ST3GAL3: variants seen among roughly 807,000 people sequenced by gnomAD.
ST3GAL3 encodes ST3 beta-galactoside alpha-2,3-sialyltransferase 3.
Under a neutral mutation model 50.1 loss-of-function variants are expected in ST3GAL3, and 21 were observed. That is an observed-to-expected ratio of 0.42 (90% CI 0.30 to 0.60). The LOEUF (loss-of-function observed/expected upper bound fraction) is 0.60. ST3GAL3 is among the 20% of genes least tolerant of loss of function. The probability of loss-of-function intolerance (pLI) is 0.19; values close to 1 mark genes in which losing one functional copy is unlikely to be tolerated. For synonymous variants in ST3GAL3, 183 were observed against 190.0 expected, an observed-to-expected ratio of 0.96 and a Z score of 0.30; for missense variants, 353 against 489.4, an observed-to-expected ratio of 0.72 and a Z score of 2.63.
At chr1:43,729,278 CTA>C (rs1674546159) in intron 1 of ST3GAL3, among the ~76,000 whole-genome samples, 1 of 151,860 alleles carries the variant, frequency 6.6e-6, no homozygotes, top group South Asian at 2.1e-4. Context: ...TTTGTAAAGA[CTA>C]TATTGCCCAG....
At chr1:43,787,613 C>T (rs750850036) in intron 2 of ST3GAL3, among the ~76,000 whole-genome samples, 59 of 152,218 alleles carry the variant, frequency 3.9e-4, no homozygotes, top group Non-Finnish European at 5.1e-4. Context: ...AATGTGTGAT[C>T]GTAAGAGCAT....
intron 6 of ST3GAL3, 21 bp downstream of exon 6, chr1:43,894,498 T>C: frequency 1.2e-6 from 2 of 1,600,158 alleles, no homozygotes; most frequent in Non-Finnish European, 1.7e-6. Context: ...AACCCTGACC[T>C]ACATTAACAT....
At chr1:43,831,189 A>T (rs1321630823) in intron 4 of ST3GAL3, among the ~76,000 whole-genome samples, 1 of 152,254 alleles carries the variant, frequency 6.6e-6, no homozygotes, top group South Asian at 2.1e-4. Flanking sequence ...ACTTTACATC[A>T]TAGAAAGTAG....
chr1:43,851,143 A>G (rs1246378298), intron 5 of ST3GAL3: 2 of 1,246,570 alleles, frequency 1.6e-6, no homozygotes, highest in South Asian at 1.2e-5. Flanking sequence ...TGGTTCCTGC[A>G]CTGATCAGCT....
intron 9 of ST3GAL3, among the ~76,000 whole-genome samples, chr1:43,900,255 T>G (rs1233992688): frequency 6.6e-6 from 1 of 152,160 alleles, no homozygotes; most frequent in Non-Finnish European, 1.5e-5. Context: ...GCTCCCAAAC[T>G]TAGAAGTCCT....
chr1:43,920,618 G>A (rs1012504872), intron 10 of ST3GAL3, 68 bp downstream of exon 10: 3 of 1,605,310 alleles, frequency 1.9e-6, no homozygotes, highest in Non-Finnish European at 2.6e-6. Context: ...AAGGAAGGGT[G>A]GGTGGTGGGT....
intron 2 of ST3GAL3, among the ~76,000 whole-genome samples, chr1:43,747,099 C>A (rs978154928): frequency 6.6e-6 from 1 of 151,886 alleles, no homozygotes; most frequent in Non-Finnish European, 1.5e-5. Context: ...ATTATCTTAC[C>A]ACAATAAAAA....
intron 5 of ST3GAL3, chr1:43,851,208 T>A: frequency 6.8e-7 from 1 of 1,481,170 alleles, no homozygotes; most frequent in Non-Finnish European, 9.4e-7. Flanking sequence ...ATGTAGCCAG[T>A]GTCTGGGTTC....
chr1:43,864,780 G>A (rs1006473979), intron 5 of ST3GAL3, among the ~76,000 whole-genome samples: 29 of 152,264 alleles, frequency 1.9e-4, no homozygotes, highest in African/African-American at 6.7e-4. Context: ...GTGGCTGGTA[G>A]AGGGATGAGT....
At chr1:43,773,279 G>T (rs1696000460) in intron 2 of ST3GAL3, among the ~76,000 whole-genome samples, 1 of 152,054 alleles carries the variant, frequency 6.6e-6, no homozygotes, top group South Asian at 2.1e-4. Context: ...TGATTTTTTT[G>T]TTTTTGTTTT....
chr1:43,814,774 T>C lies in ST3GAL3; in HGVS notation c.167-117T>C, dbSNP rs908119263. Reference sequence around the variant, plus strand: ...TATTTAGTTACGTTCTTTGAAGCAGTTGAATTGTGTTCTTTTCCAAGGGTG... The same window carrying C: ...TATTTAGTTACGTTCTTTGAAGCAGCTGAATTGTGTTCTTTTCCAAGGGTG... On this transcript the variant is annotated intron_variant, in intron 3 of 11. Transcript: ENST00000347631. The C allele has an allele frequency of 1.6e-5, 15 of 944,328 alleles. No homozygotes were observed. In the African/African-American group the frequency reaches 2.4e-4, roughly 15 times the overall value. 58.5% of individuals were successfully genotyped at this position (944,328 alleles called of 1,614,324 possible). A position where few individuals can be genotyped will look rare whatever the true frequency, so the allele number is the denominator to read the frequency against.
chr1:43,927,517 TTAC>T (rs1363174770), intron 11 of ST3GAL3, among the ~76,000 whole-genome samples: 1 of 152,200 alleles, frequency 6.6e-6, no homozygotes, highest in Non-Finnish European at 1.5e-5. Flanking sequence ...ATCAAATTCG[TTAC>T]TACTTCTCCA....
At chr1:43,838,484 C>T in intron 5 of ST3GAL3, 173 bp downstream of exon 5, 1 of 651,194 alleles carries the variant, frequency 1.5e-6, no homozygotes, top group Non-Finnish European at 2.8e-6. Context: ...CATGCCGTTG[C>T]TTTGCCTTAC....
intron 11 of ST3GAL3, among the ~76,000 whole-genome samples, chr1:43,926,820 C>A (rs1024821569): frequency 1.3e-5 from 2 of 152,132 alleles, no homozygotes; most frequent in African/African-American, 2.4e-5. Flanking sequence ...AAGAGAGCTA[C>A]ACCCCAGGGC....
At chr1:43,911,479 T>G (rs1228514233) in intron 9 of ST3GAL3, among the ~76,000 whole-genome samples, 3 of 150,878 alleles carry the variant, frequency 2.0e-5, no homozygotes, top group Non-Finnish European at 4.4e-5. Context: ...AGGACATTTT[T>G]CAAGGAAGGA....
rs997631982 is a variant in ST3GAL3 at position 43,863,550 on chromosome 1, C to T, written c.302+25239C>T. 3.3e-5 allele frequency among the ~76,000 whole-genome samples: 5 copies of T among 152,292 alleles called. No individual in the cohort carries two copies. In the East Asian group the frequency reaches 5.8e-4, roughly 18 times the overall value. ...TGATGACATTTCTTCGCACAAGTCA[C>T]GAAAAGCTTCAGACCAAGGGTGAGC... On this transcript the variant is annotated intron_variant, in intron 5 of 11. Coordinates refer to ENST00000347631, the MANE Select transcript of ST3GAL3 (RefSeq NM_006279.5).
chr1:43,918,248 C>T (rs1251091759), intron 9 of ST3GAL3, among the ~76,000 whole-genome samples: 3 of 151,368 alleles, frequency 2.0e-5, no homozygotes, highest in African/African-American at 4.9e-5. Context: ...CCTCCGATGG[C>T]GTGAGACTAC....
intron 2 of ST3GAL3, chr1:43,736,749 G>A (rs567259082): frequency 2.9e-6 from 1 of 346,892 alleles, no homozygotes; most frequent in Admixed American, 4.3e-5. Flanking sequence ...TAGTATTGAA[G>A]TTGGTTTCCA....
At position 43,857,564 on chromosome 1, in the gene ST3GAL3, CTTCT is replaced by C. The variant is rs1250299922; in HGVS notation, c.302+19261_302+19264del. On this transcript the variant is annotated intron_variant, in intron 5 of 11. Coordinates refer to ENST00000347631, the MANE Select transcript of ST3GAL3 (RefSeq NM_006279.5). ...CTCCCTCCCTTCCTTCCTTTCCTTC[CTTCT>C]TTCTTTCCTTCCTCCCTCCCTTCCT... 2.4e-3 allele frequency among the ~76,000 whole-genome samples: 161 copies of C among 67,902 alleles called. 30 individuals carry two copies. Among genetic ancestry groups the C allele is most frequent in the Non-Finnish European group, 4.5e-3 (114 of 25,450 alleles). 44.5% of individuals were successfully genotyped at this position (67,902 alleles called of 152,430 possible).
Sources: allele counts gnomAD v4.1 joint callset (sites outside exome capture counted in the v4.1 genomes callset), GRCh38; gene constraint gnomAD v4.1.1; transcripts MANE v1.5; gene names NCBI Gene and HGNC (gene_info 2026-07-23, HGNC 2026-07-21).